The following SNX4 variants were observed in gnomAD, a reference collection of about 807,000 sequenced individuals.
SNX4 encodes sorting nexin-4.
Under a neutral mutation model 70.8 loss-of-function variants are expected in SNX4, and 49 were observed. The ratio of observed to expected loss-of-function variants is 0.69; its 90% CI spans 0.55 to 0.88. SNX4 has a LOEUF of 0.88. Among genes scored for constraint, SNX4 ranks in the 40% least tolerant of loss-of-function variants. The pLI is 0.00. For missense variants in SNX4, 528 were observed against 544.8 expected, an observed-to-expected ratio of 0.97 and a Z score of 0.31; for synonymous variants, 206 against 183.8, an observed-to-expected ratio of 1.12 and a Z score of -0.98.
intron 1 of SNX4, among the ~76,000 whole-genome samples, chr3:125,515,755 A>G (rs1559827962): frequency 6.6e-6 from 1 of 151,940 alleles, no homozygotes; most frequent in Non-Finnish European, 1.5e-5. Context: ...ATGGTTTTTA[A>G]AAGTTCTTGG....
chr3:125,452,233 T>C (rs567136278), intron 12 of SNX4, among the ~76,000 whole-genome samples: 1 of 152,012 alleles, frequency 6.6e-6, no homozygotes, highest in African/African-American at 2.4e-5. Flanking sequence ...TAGCTGGGAT[T>C]ACAGGCACAC....
rs776147076 is a variant in SNX4, at chr3:125,457,316, C to G, written c.994G>C (p.Ala332Pro). The change falls in exon 11 of 14, where the codon GCT becomes CCT. Residue 332 changes from alanine (A) to proline (P), a missense_variant. Ala to Pro is a conservative substitution (Grantham distance 27). This residue lies in a region of SNX4 where 159 missense variants were observed against 172.6 expected (regional missense o/e 0.92). Transcript: ENST00000251775. Reference protein sequence around the residue: ...ELMQYDLEMAAQDLASKKQQC... With the variant: ...ELMQYDLEMAPQDLASKKQQC... ...TGCTTCTTGGATGCTAAGTCCTGAG[C>G]AGCCATCTCCAAGTCATACTGCATA... 6.2e-7 allele frequency: 1 copy of G among 1,614,048 alleles called. No individual in the cohort carries two copies. Among genetic ancestry groups the G allele is most frequent in the Admixed American group, 1.7e-5 (1 of 60,014 alleles).
intron 10 of SNX4, among the ~76,000 whole-genome samples, chr3:125,457,787 G>C (rs1190091367): frequency 6.6e-6 from 1 of 151,860 alleles, no homozygotes; most frequent in African/African-American, 2.4e-5. Context: ...ATATTGGCCA[G>C]GCTGGTCTCA....
chr3:125,448,238 C>T (rs1441778876), intron 13 of SNX4, among the ~76,000 whole-genome samples: 1 of 151,582 alleles, frequency 6.6e-6, no homozygotes, highest in Non-Finnish European at 1.5e-5. Context: ...GATCCTCCCA[C>T]CTCAGCCTGC....
At chr3:125,456,785 C>T (rs949932727) in intron 11 of SNX4, among the ~76,000 whole-genome samples, 4 of 152,230 alleles carry the variant, frequency 2.6e-5, no homozygotes, top group Middle Eastern at 3.4e-3. Context: ...CTCACCTTCC[C>T]GAGTAGCTGG....
At chr3:125,480,016 AAAC>A (rs1934375328) in intron 7 of SNX4, among the ~76,000 whole-genome samples, 1 of 152,192 alleles carries the variant, frequency 6.6e-6, no homozygotes, top group African/African-American at 2.4e-5. Context: ...ATAACATCCA[AAAC>A]AACTATTCTA....
chr3:125,451,289 A>G lies in SNX4; in HGVS notation c.1305+16T>C. ...TGAATATACATATATCTTCACTGAA[A>G]CAGGAAAAACCCTACCTTTTTGCAC... is the stretch of plus-strand genomic sequence containing the variant. On this transcript the variant is annotated intron_variant, in intron 13 of 13. Coordinates refer to ENST00000251775, the MANE Select transcript of SNX4 (RefSeq NM_003794.4). 1 of 1,571,504 alleles carries G rather than the reference A, an allele frequency of 6.4e-7. No individual in the cohort carries two copies. The highest frequency in any genetic ancestry group is 1.1e-5 in the South Asian group (1 of 88,310).
At chr3:125,517,044 T>C (rs1016240522) in intron 1 of SNX4, 1 of 152,240 alleles carries the variant, frequency 6.6e-6, no homozygotes, top group African/African-American at 2.4e-5. Flanking sequence ...CTCTTTGTTC[T>C]ACTGTTTCCC....
At chr3:125,461,724 C>T (rs1253045120) in intron 9 of SNX4, among the ~76,000 whole-genome samples, 2 of 151,194 alleles carry the variant, frequency 1.3e-5, no homozygotes, top group East Asian at 1.9e-4. Context: ...TGCAGTGGCG[C>T]GATCTTGGCT....
In SNX4 at chr3:125,447,236, T is replaced by C. The variant is rs2107835979; in HGVS notation, c.*543A>G. ...TAAAACACAAATTGAAGGCATTTTCTAGTGTATGCAAACATTACAAGGGGC... is the reference window on the plus strand; with the variant it reads ...TAAAACACAAATTGAAGGCATTTTCCAGTGTATGCAAACATTACAAGGGGC... On this transcript the variant is annotated 3_prime_UTR_variant, in exon 14 of 14. Coordinates refer to ENST00000251775, the MANE Select transcript of SNX4 (RefSeq NM_003794.4). The C allele has an allele frequency of 6.5e-6, 1 of 152,762 alleles. No homozygotes were observed. Among genetic ancestry groups the C allele is most frequent in the Non-Finnish European group, 1.5e-5 (1 of 68,026 alleles). 9.5% of individuals were successfully genotyped at this position (152,762 alleles called of 1,614,324 possible). A position where few individuals can be genotyped will look rare whatever the true frequency, so the allele number is the denominator to read the frequency against.
At chr3:125,512,357 A>G (rs1013286772) in intron 1 of SNX4, among the ~76,000 whole-genome samples, 1 of 152,244 alleles carries the variant, frequency 6.6e-6, no homozygotes, top group African/African-American at 2.4e-5. Context: ...AGACATATGA[A>G]TCATAAATTG....
intron 9 of SNX4, among the ~76,000 whole-genome samples, chr3:125,468,903 G>A (rs1422775183): frequency 6.7e-6 from 1 of 149,672 alleles, no homozygotes; most frequent in East Asian, 1.9e-4. Flanking sequence ...GTTTTTGGTT[G>A]ATTGTTTATG....
chr3:125,464,779 G>A (rs1193629020), intron 9 of SNX4, among the ~76,000 whole-genome samples: 1 of 151,858 alleles, frequency 6.6e-6, no homozygotes, highest in Non-Finnish European at 1.5e-5. Flanking sequence ...GTCTTGCTCT[G>A]TCACCCAGGT....
At position 125,453,921 on chromosome 3, in the gene SNX4, G is replaced by C. The variant is rs1266008885; in HGVS notation, c.1079C>G (p.Thr360Ser). The change falls in exon 12 of 14, where the codon ACC (threonine) becomes AGC (serine). Residue 360 changes from threonine (T) to serine (S), a missense_variant. Around this residue, in one of 3 missense-constraint regions of SNX4, gnomAD observed 159 missense variants for 172.6 expected, o/e 0.92. Transcript: ENST00000251775. ...VRTFSLKGMTTKLFGQETPEQ... is the reference protein window; with the variant it reads ...VRTFSLKGMTSKLFGQETPEQ... ...TGGAGTTTCTTGACCAAAGAGCTTG[G>C]TAGTCATTCCCTTCAAAGAGAATGT... 4 of 1,613,514 alleles carry C rather than the reference G, an allele frequency of 2.5e-6. No individual in the cohort carries two copies. The highest frequency in any genetic ancestry group is 3.3e-5 in the Admixed American group (2 of 59,928).
chr3:125,486,909 A>G (rs1460385531), intron 6 of SNX4, among the ~76,000 whole-genome samples: 3 of 152,128 alleles, frequency 2.0e-5, no homozygotes, highest in Admixed American at 6.6e-5. Flanking sequence ...ATGTGTGTGT[A>G]TACATATATA....
At chr3:125,470,412 T>G (rs1459961558) in intron 8 of SNX4, among the ~76,000 whole-genome samples, 1 of 151,550 alleles carries the variant, frequency 6.6e-6, no homozygotes, top group East Asian at 1.9e-4. Flanking sequence ...CATCTTCAAT[T>G]CCAACATATC....
intron 9 of SNX4, among the ~76,000 whole-genome samples, chr3:125,463,932 G>A (rs1426621777): frequency 6.6e-6 from 1 of 152,114 alleles, no homozygotes; most frequent in East Asian, 1.9e-4. Flanking sequence ...GTAAAGGCCT[G>A]GCGGGGTGGC....
chr3:125,448,300 A>AT (rs199847928), intron 13 of SNX4, among the ~76,000 whole-genome samples: 3,707 of 131,702 alleles, frequency 0.028, 100 homozygotes, highest in African/African-American at 0.082. Context: ...TATTTTTTGT[A>AT]TTTTTTTTTT....
intron 1 of SNX4, among the ~76,000 whole-genome samples, chr3:125,513,042 G>A (rs925713482): frequency 6.6e-6 from 1 of 152,174 alleles, no homozygotes; most frequent in Admixed American, 6.5e-5. Flanking sequence ...AGAGATAATA[G>A]TACCTGCAAT....
Sources: gnomAD v4.1 joint callset for allele counts (sites outside exome capture counted in the v4.1 genomes callset) on GRCh38, gnomAD v4.1.1 for gene constraint, gnomAD v4.1.1 regional missense constraint, MANE v1.5 for transcripts, NCBI Gene and HGNC (gene_info 2026-07-23, HGNC 2026-07-21) for gene names.